STAG1: variants seen among roughly 807,000 people sequenced by gnomAD.
STAG1 encodes STAG1 cohesin complex component, also known as cohesin subunit SA-1.
Under a neutral mutation model 170.9 loss-of-function variants are expected in STAG1, and 26 were observed. That is an observed-to-expected ratio of 0.15 (90% CI 0.11 to 0.21). The LOEUF (loss-of-function observed/expected upper bound fraction) is 0.21, where lower values mean the gene tolerates loss of function less well. STAG1 is among the 10% of genes least tolerant of loss of function. STAG1 has a pLI of 1.00. For synonymous variants in STAG1, 514 were observed against 497.7 expected, an observed-to-expected ratio of 1.03 and a Z score of -0.44; for missense variants, 964 against 1,509.5, an observed-to-expected ratio of 0.64 and a Z score of 5.99.
At chr3:136,528,378 C>T (rs1935179041) in intron 6 of STAG1, among the ~76,000 whole-genome samples, 2 of 151,996 alleles carry the variant, frequency 1.3e-5, no homozygotes, top group African/African-American at 4.8e-5. Context: ...ACCCTCTGAG[C>T]CAGGCGCTAT....
chr3:136,378,298 A>C (rs990095304), intron 22 of STAG1, among the ~76,000 whole-genome samples: 8 of 152,226 alleles, frequency 5.3e-5, no homozygotes, highest in African/African-American at 1.9e-4. Flanking sequence ...AAGTTGGAGA[A>C]ATCTTCATAG....
At chr3:136,597,805 A>C (rs1938494863) in intron 4 of STAG1, among the ~76,000 whole-genome samples, 1 of 148,008 alleles carries the variant, frequency 6.8e-6, no homozygotes, top group Non-Finnish European at 1.5e-5. Flanking sequence ...TTTTTTTTTA[A>C]TGTATTGGCT....
intron 16 of STAG1, among the ~76,000 whole-genome samples, chr3:136,430,557 C>T (rs2088267243): frequency 6.7e-6 from 1 of 150,058 alleles, no homozygotes; most frequent in Non-Finnish European, 1.5e-5. Context: ...CTTCCCTGGG[C>T]CACAATGGAA....
intron 30 of STAG1, among the ~76,000 whole-genome samples, chr3:136,342,115 G>A (rs1936003167): frequency 6.6e-6 from 1 of 151,722 alleles, no homozygotes; most frequent in South Asian, 2.1e-4. Flanking sequence ...CGCCTCCCTG[G>A]TTCAAGGGAT....
At chr3:136,485,573 A>T (rs1358809824) in intron 9 of STAG1, among the ~76,000 whole-genome samples, 8 of 152,182 alleles carry the variant, frequency 5.3e-5, no homozygotes, top group Non-Finnish European at 1.2e-4. Flanking sequence ...TCAGACATAA[A>T]ACAAGGTATA....
At chr3:136,578,093 T>G (rs1156407487) in intron 4 of STAG1, among the ~76,000 whole-genome samples, 3 of 152,160 alleles carry the variant, frequency 2.0e-5, no homozygotes, top group African/African-American at 4.8e-5. Context: ...AAAACTACAA[T>G]AGTGAAGGGA....
intron 13 of STAG1, among the ~76,000 whole-genome samples, chr3:136,453,822 C>T (rs550894884): frequency 6.7e-6 from 1 of 150,324 alleles, no homozygotes; most frequent in East Asian, 2.0e-4. Flanking sequence ...GTAGGCCTCT[C>T]AAATGAGAGG....
intron 1 of STAG1, among the ~76,000 whole-genome samples, chr3:136,667,456 G>T (rs1214673567): frequency 6.6e-6 from 1 of 152,174 alleles, no homozygotes; most frequent in Non-Finnish European, 1.5e-5. Flanking sequence ...GTGAGATTAT[G>T]ACATAGGTAT....
chr3:136,742,368 A>C (rs530356213), intron 1 of STAG1, among the ~76,000 whole-genome samples: 295 of 152,308 alleles, frequency 1.9e-3, no homozygotes, highest in Admixed American at 3.9e-3. Context: ...TCAAAATGAA[A>C]CTAAGTTAGA....
chr3:136,466,636 T>G (rs2089469680), intron 12 of STAG1, among the ~76,000 whole-genome samples: 1 of 151,984 alleles, frequency 6.6e-6, no homozygotes, highest in Admixed American at 6.6e-5. Flanking sequence ...ACGTTCAGAT[T>G]CAGGAAATAC....
intron 1 of STAG1, among the ~76,000 whole-genome samples, chr3:136,693,771 T>G (rs1032648651): frequency 1.3e-5 from 2 of 151,994 alleles, no homozygotes; most frequent in Non-Finnish European, 2.9e-5. Context: ...GGTCTCATTA[T>G]GTTGCCAGGC....
At chr3:136,341,594 G>T (rs2108257905) in intron 30 of STAG1, 43 bp from the exon 31 acceptor site, 3 of 1,345,494 alleles carry the variant, frequency 2.2e-6, no homozygotes, top group Admixed American at 1.7e-5. Flanking sequence ...AGCAGATGAT[G>T]AATTTAGCTA....
At chr3:136,515,260 G>A (rs1934302391) in intron 7 of STAG1, among the ~76,000 whole-genome samples, 1 of 152,102 alleles carries the variant, frequency 6.6e-6, no homozygotes, top group South Asian at 2.1e-4. Context: ...AGCTACTCGG[G>A]AGGCTGAGGC....
chr3:136,687,174 T>C (rs1035313567), intron 1 of STAG1, among the ~76,000 whole-genome samples: 4 of 152,230 alleles, frequency 2.6e-5, no homozygotes, highest in Admixed American at 6.5e-5. Flanking sequence ...ATGTTGTCCA[T>C]GCATATGGTT....
At chr3:136,397,528 G>A in intron 22 of STAG1, among the ~76,000 whole-genome samples, 1 of 151,894 alleles carries the variant, frequency 6.6e-6, no homozygotes, top group Non-Finnish European at 1.5e-5. Flanking sequence ...AAACTTTCAT[G>A]GGAGATTTAT....
At chr3:136,343,018 G>C (rs926107494) in intron 30 of STAG1, among the ~76,000 whole-genome samples, 3 of 152,194 alleles carry the variant, frequency 2.0e-5, no homozygotes, top group Non-Finnish European at 4.4e-5. Flanking sequence ...TGATCCCTTA[G>C]AGCAAAGGGA....
At chr3:136,589,926 A>G (rs1938072081) in intron 4 of STAG1, among the ~76,000 whole-genome samples, 1 of 151,666 alleles carries the variant, frequency 6.6e-6, no homozygotes, top group Non-Finnish European at 1.5e-5. Flanking sequence ...GCGAGATTCC[A>G]TCTCAAAAAA....
chr3:136,396,830 C>T (rs1304684774), intron 22 of STAG1, among the ~76,000 whole-genome samples: 1 of 152,104 alleles, frequency 6.6e-6, no homozygotes, highest in African/African-American at 2.4e-5. Flanking sequence ...CAGGCTGTAA[C>T]ACAGTTTTAA....
intron 21 of STAG1, among the ~76,000 whole-genome samples, chr3:136,399,925 ACTTT>A (rs113521719): frequency 2.3e-4 from 35 of 152,188 alleles, no homozygotes; most frequent in African/African-American, 7.2e-4. Context: ...AAAGAAACAA[ACTTT>A]CTTTTTTTTT....
Sources: gnomAD v4.1 joint callset for allele counts (sites outside exome capture counted in the v4.1 genomes callset) on GRCh38, gnomAD v4.1.1 for gene constraint, MANE v1.5 for transcripts, NCBI Gene and HGNC (gene_info 2026-07-23, HGNC 2026-07-21) for gene names.